Variants in ESCO2 observed in about 807,000 individuals in gnomAD.
ESCO2 encodes N-acetyltransferase ESCO2.
A neutral mutation model predicts 61.7 loss-of-function variants in ESCO2; 51 were observed. The ratio of observed to expected loss-of-function variants is 0.83; its 90% CI spans 0.66 to 1.04. ESCO2 has a LOEUF of 1.04. Among genes scored for constraint, ESCO2 ranks in the 50% least tolerant of loss-of-function variants. The pLI, the probability that ESCO2 is intolerant of heterozygous loss-of-function variation, is 0.00. For missense variants in ESCO2, 692 were observed against 686.2 expected (o/e 1.01, Z -0.09); for synonymous variants, 230 against 238.2 (o/e 0.97, Z 0.32).
chr8:27,789,200 C>G (rs1041138018), intron 7 of ESCO2, among the ~76,000 whole-genome samples: 10 of 152,114 alleles, frequency 6.6e-5, no homozygotes, highest in Non-Finnish European at 8.8e-5. Flanking sequence ...TACTCTCTTC[C>G]CACTATAGTG....
chr8:27,796,519 CTTTTTTT>C (rs1805300864), intron 9 of ESCO2, among the ~76,000 whole-genome samples: 1 of 151,986 alleles, frequency 6.6e-6, no homozygotes, highest in Non-Finnish European at 1.5e-5. Flanking sequence ...GATCTTTCTT[CTTTTTTT>C]ATGTAGAACT....
chr8:27,788,742 GA>G (rs200012035), intron 6 of ESCO2, 104 bp from the exon 7 acceptor site: 1,673 of 1,320,302 alleles, frequency 1.3e-3, no homozygotes, highest in Non-Finnish European at 1.4e-3. Flanking sequence ...GTGTCAGCAG[GA>G]AAAAAAAAAT....
chr8:27,793,523 T>C (rs1805227227), intron 9 of ESCO2, among the ~76,000 whole-genome samples: 1 of 151,480 alleles, frequency 6.6e-6, no homozygotes, highest in Non-Finnish European at 1.5e-5. Flanking sequence ...GTCTCACTCT[T>C]TTGCCCAGGC....
downstream of ESCO2, among the ~76,000 whole-genome samples, chr8:27,806,839 C>G (rs978168309): frequency 6.6e-6 from 1 of 152,134 alleles, no homozygotes; most frequent in African/African-American, 2.4e-5. Flanking sequence ...TGGTCTTTAA[C>G]TCTTGACCTC....
chr8:27,813,683 A>ATTG (rs79174119), downstream of ESCO2, among the ~76,000 whole-genome samples: 23,843 of 152,028 alleles, frequency 0.16, 2,355 homozygotes, highest in East Asian at 0.36. Context: ...AGTGTACAGT[A>ATTG]TTAACAAAGG....
rs1804892681 is a variant in ESCO2, at chr8:27,780,189, A to G, written c.877A>G (p.Arg293Gly). The G allele has an allele frequency of 3.1e-6, 5 of 1,607,914 alleles. No individual in the cohort carries two copies. Among genetic ancestry groups the G allele is most frequent in the African/African-American group, 2.7e-5 (2 of 74,748 alleles). The change falls in exon 4 of 11, where the codon AGA (arginine) becomes GGA (glycine). Residue 293 changes from arginine to glycine, a missense_variant. Arg to Gly is a moderately radical substitution (Grantham distance 125). Transcript: ENST00000305188. ...CTATTTTCAGGATTCATCAGATGAC[A>G]GAGTTTCTTCAAAGGAACATAAAGT... The part of the protein sequence containing the change: ...EKLIKDSSDD[R>G]VSSKEHKVDK...
At chr8:27,780,636 A>T (rs962281192) in intron 4 of ESCO2, among the ~76,000 whole-genome samples, 1 of 152,228 alleles carries the variant, frequency 6.6e-6, no homozygotes, top group African/African-American at 2.4e-5. Flanking sequence ...TCAAAGCCCA[A>T]TTGTGAGCAG....
upstream of ESCO2, chr8:27,772,500 G>A (rs1804665114): frequency 6.5e-7 from 1 of 1,550,034 alleles, no homozygotes; most frequent in Non-Finnish European, 8.7e-7. Context: ...AGGAGGACGT[G>A]GCGCCCACTC....
downstream of ESCO2, among the ~76,000 whole-genome samples, chr8:27,815,917 A>C (rs1805801430): frequency 6.6e-6 from 1 of 152,248 alleles, no homozygotes; most frequent in Non-Finnish European, 1.5e-5. Flanking sequence ...ATGAGATCAT[A>C]AACTAATGGT....
downstream of ESCO2, among the ~76,000 whole-genome samples, chr8:27,817,311 C>T (rs1372395564): frequency 6.6e-6 from 1 of 152,088 alleles, no homozygotes; most frequent in Non-Finnish European, 1.5e-5. Context: ...ATTTTATCAT[C>T]ATAGAAAGTT....
intron 9 of ESCO2, among the ~76,000 whole-genome samples, chr8:27,796,041 A>G (rs1331716605): frequency 6.6e-6 from 1 of 150,856 alleles, no homozygotes; most frequent in African/African-American, 2.4e-5. Flanking sequence ...ATCTGGTAGA[A>G]TTTAGCAGTG....
intron 7 of ESCO2, among the ~76,000 whole-genome samples, chr8:27,790,301 C>T (rs1805147965): frequency 6.6e-6 from 1 of 152,180 alleles, no homozygotes; most frequent in African/African-American, 2.4e-5. Flanking sequence ...AATACATTCT[C>T]CCTGTCCCTT....
intron 10 of ESCO2, among the ~76,000 whole-genome samples, chr8:27,801,682 C>G (rs570510724): frequency 7.2e-5 from 11 of 151,906 alleles, no homozygotes; most frequent in Admixed American, 7.2e-4. Flanking sequence ...TTCAAACTTA[C>G]GAAAGAACAA....
intron 3 of ESCO2, chr8:27,778,734 TTCTG>T (rs1259744080): frequency 1.3e-5 from 2 of 152,134 alleles, no homozygotes; most frequent in Non-Finnish European, 2.9e-5. Flanking sequence ...TAATTCTCTT[TTCTG>T]TCTTATTTTC....
chr8:27,789,106 C>A, intron 7 of ESCO2, 128 bp downstream of exon 7: 1 of 1,179,974 alleles, frequency 8.5e-7, no homozygotes, highest in Non-Finnish European at 1.2e-6. Flanking sequence ...CTTACTATCT[C>A]AATTTAAGAT....
At chr8:27,780,744 T>G (rs998641022) in intron 4 of ESCO2, among the ~76,000 whole-genome samples, 1 of 152,218 alleles carries the variant, frequency 6.6e-6, no homozygotes, top group Non-Finnish European at 1.5e-5. Flanking sequence ...TCTAGGAAGA[T>G]ATCTCTAAAG....
At chr8:27,808,293 C>A, downstream of ESCO2, 1 of 921,664 alleles carries the variant, frequency 1.1e-6, no homozygotes, top group Non-Finnish European at 1.4e-6. Context: ...GCATAACAAG[C>A]TCCTGGAGGC....
At chr8:27,784,417 A>T (rs1014875098) in intron 5 of ESCO2, among the ~76,000 whole-genome samples, 1 of 152,244 alleles carries the variant, frequency 6.6e-6, no homozygotes, top group African/African-American at 2.4e-5. Flanking sequence ...TTAGTAATTT[A>T]GCCACAGTTG....
intron 9 of ESCO2, among the ~76,000 whole-genome samples, chr8:27,796,054 G>A (rs1271006162): frequency 1.3e-5 from 2 of 150,356 alleles, no homozygotes; most frequent in East Asian, 3.9e-4. Flanking sequence ...TAGCAGTGAT[G>A]TCATTACAGA....
Sources: allele counts gnomAD v4.1 joint callset (sites outside exome capture counted in the v4.1 genomes callset), GRCh38; gene constraint gnomAD v4.1.1; transcripts MANE v1.5; gene names NCBI Gene and HGNC (gene_info 2026-07-23, HGNC 2026-07-21).